The following ECT2 variants were observed in gnomAD, a reference collection of about 807,000 sequenced individuals.
ECT2 encodes the protein epithelial cell transforming 2.
In ECT2, 61 loss-of-function variants were observed where a neutral mutation model predicts 116.9. The observed-to-expected ratio is 0.52, with a 90% CI of 0.42 to 0.65. The LOEUF is 0.65. ECT2 is among the 30% of genes least tolerant of loss of function. The probability of loss-of-function intolerance (pLI) is 0.00; values close to 1 mark genes in which losing one functional copy is unlikely to be tolerated. For missense variants in ECT2, 937 were observed against 1,078.7 expected, an observed-to-expected ratio of 0.87 and a Z score of 1.84; for synonymous variants, 358 against 346.4, an observed-to-expected ratio of 1.03 and a Z score of -0.37.
chr3:172,821,127 A>T lies in ECT2; in HGVS notation c.*890A>T, dbSNP rs1730633070. ...CTAATCTTCTGTGAAATGCATAGAT[A>T]TGCGCATGTTCAACTTTTTATTGTG... is the stretch of plus-strand genomic sequence containing the variant. On this transcript the variant is annotated 3_prime_UTR_variant, in exon 25 of 25. Coordinates refer to ENST00000392692, the MANE Select transcript of ECT2 (RefSeq NM_001258315.2). 1 of 151,946 alleles carries T rather than the reference A, an allele frequency of 6.6e-6. No individual in the cohort carries two copies. The highest frequency in any genetic ancestry group is 2.4e-5 in the African/African-American group (1 of 41,440). The allele number at this position is 151,946 out of a possible 1,614,324, so 9.4% of individuals were successfully genotyped here.
Position 172,802,536 on chromosome 3 carries a change from A to G in ECT2, c.1908-80A>G, listed in dbSNP as rs1726908198. 3.4e-6 allele frequency: 3 copies of G among 873,956 alleles called. No homozygotes were observed. In the African/African-American group the frequency reaches 5.2e-5, roughly 15 times the overall value. 54.1% of individuals were successfully genotyped at this position (873,956 alleles called of 1,614,324 possible). ...TTATCAAAATAAGACATTCACATCA[A>G]ACACAACTTGTGACATGAGTTGTGT... On this transcript the variant is annotated intron_variant, in intron 18 of 24. Transcript: ENST00000392692.
chr3:172,767,968 G>A (rs553370006), intron 12 of ECT2, among the ~76,000 whole-genome samples: 1 of 152,284 alleles, frequency 6.6e-6, no homozygotes, highest in Admixed American at 6.5e-5. Flanking sequence ...CTGACCTCAA[G>A]TGATCTGTCC....
intron 8 of ECT2, 138 bp downstream of exon 8, chr3:172,761,821 G>A: frequency 1.5e-5 from 7 of 463,888 alleles, no homozygotes; most frequent in Non-Finnish European, 2.7e-5. Flanking sequence ...TAAAATCTAG[G>A]GAGAACAAGT....
In ECT2 at chr3:172,762,961, T is replaced by G. The variant is rs755097248; in HGVS notation, c.1057T>G (p.Leu353Val). 8 of 1,613,814 alleles carry G rather than the reference T, an allele frequency of 5.0e-6. No individual in the cohort carries two copies. The highest frequency in any genetic ancestry group is 6.8e-6 in the Non-Finnish European group (8 of 1,179,798). ...TGCCCGAGCTGGAGAAACTATGTAT[T>G]TATATGAAAAGGTATGCTTTTAACC... Reference protein sequence around the residue: ...MDARAGETMYLYEKANTPELK... With the variant: ...MDARAGETMYVYEKANTPELK... Residue 353 changes from leucine to valine, a missense_variant, in exon 11 of 25, where the codon TTA (leucine) becomes GTA (valine). Physicochemically the swap from Leu to Val is conservative, Grantham distance 32 (BLOSUM62 1). Transcript: ENST00000392692.
At chr3:172,770,017 T>C (rs1413165843) in intron 13 of ECT2, among the ~76,000 whole-genome samples, 1 of 152,188 alleles carries the variant, frequency 6.6e-6, no homozygotes, top group Non-Finnish European at 1.5e-5. Flanking sequence ...GTACCATTGA[T>C]AAAATACATG....
In ECT2 at chr3:172,763,092, A is replaced by T. The variant is rs144930370; in HGVS notation, c.1068+120A>T. 3.8e-4 allele frequency: 362 copies of T among 963,398 alleles called. 1 individual carries two copies. The East Asian group carries it at 5.0e-3, about 13-fold the overall frequency. 59.7% of individuals were successfully genotyped at this position (963,398 alleles called of 1,614,324 possible). A position where few individuals can be genotyped will look rare whatever the true frequency, so the allele number is the denominator to read the frequency against. ...TTTCAGAATGATTAAAACAATTGGG[A>T]TATCAAGTTATCTTAGTCTATGTAG... On this transcript the variant is annotated intron_variant, in intron 11 of 24. Transcript: ENST00000392692.
intron 13 of ECT2, 120 bp from the exon 14 acceptor site, chr3:172,773,783 A>G: frequency 1.0e-6 from 1 of 997,340 alleles, no homozygotes; most frequent in Non-Finnish European, 1.5e-6. Context: ...ATTTAGGGAG[A>G]GTATTTTTTA....
intron 22 of ECT2, among the ~76,000 whole-genome samples, chr3:172,812,758 G>A (rs1312289188): frequency 6.6e-6 from 1 of 151,982 alleles, no homozygotes; most frequent in Non-Finnish European, 1.5e-5. Context: ...TTCTGAATTT[G>A]CCTCTATATC....
At chr3:172,790,716 A>G (rs958256305) in intron 18 of ECT2, among the ~76,000 whole-genome samples, 7 of 152,218 alleles carry the variant, frequency 4.6e-5, no homozygotes, top group Non-Finnish European at 8.8e-5. Flanking sequence ...GCAGAATTGG[A>G]TGTTGAGCTA....
At chr3:172,753,680 G>A (rs1716383433) in intron 1 of ECT2, among the ~76,000 whole-genome samples, 1 of 152,126 alleles carries the variant, frequency 6.6e-6, no homozygotes, top group African/African-American at 2.4e-5. Flanking sequence ...GTGGAGAGTC[G>A]AGCACTAAAT....
chr3:172,753,569 A>C (rs112277333), intron 1 of ECT2, among the ~76,000 whole-genome samples: 1,570 of 152,360 alleles, frequency 0.01, 33 homozygotes, highest in African/African-American at 0.035. Context: ...AGAATTATGA[A>C]AATACTGACA....
chr3:172,825,560 A>C (rs916081454), downstream of ECT2, among the ~76,000 whole-genome samples: 15 of 152,214 alleles, frequency 9.9e-5, no homozygotes, highest in African/African-American at 2.4e-4. Flanking sequence ...GATACGAAGA[A>C]AGTTTGAATG....
intron 15 of ECT2, among the ~76,000 whole-genome samples, chr3:172,782,941 T>C (rs1722980722): frequency 1.3e-5 from 2 of 152,160 alleles, no homozygotes; most frequent in African/African-American, 4.8e-5. Context: ...ATCAAGTCTA[T>C]CATTGATGGG....
At chr3:172,757,478 C>T (rs1310312792) in intron 5 of ECT2, among the ~76,000 whole-genome samples, 4 of 145,452 alleles carry the variant, frequency 2.8e-5, no homozygotes, top group African/African-American at 5.1e-5. Context: ...TGCAGTGGCA[C>T]GATCTCAGCT....
rs780383260 is a variant in ECT2 at position 172,777,792 on chromosome 3, G to A, written c.1548+3770G>A. On this transcript the variant is annotated intron_variant, in intron 14 of 24. Transcript: ENST00000392692. ...CGCATGCCTGTAGTTCCAACTCTTC[G>A]GGAGGCTGAGGTGTTAGGATCGCTT... Among the ~76,000 whole-genome samples, 7 of 152,096 alleles carry A rather than the reference G, an allele frequency of 4.6e-5. No homozygotes were observed. In the East Asian group the frequency reaches 7.7e-4, roughly 17 times the overall value.
Position 172,820,348 on chromosome 3 carries a change from T to C in ECT2, c.*111T>C. 1 of 611,218 alleles carries C rather than the reference T, an allele frequency of 1.6e-6. No individual in the cohort carries two copies. Among genetic ancestry groups the C allele is most frequent in the Admixed American group, 3.3e-5 (1 of 30,474 alleles). 37.9% of individuals were successfully genotyped at this position (611,218 alleles called of 1,614,324 possible). A position where few individuals can be genotyped will look rare whatever the true frequency, so the allele number is the denominator to read the frequency against. ...CACTTGGTGAAAGCTGGAAGGAAGA[T>C]AAATAACACTAAACTATGCTATTTG... On this transcript the variant is annotated 3_prime_UTR_variant, in exon 25 of 25. Transcript: ENST00000392692.
the ECT2 span, chr3:172,828,980 T>A: frequency 8.4e-7 from 1 of 1,193,274 alleles, no homozygotes; most frequent in Non-Finnish European, 1.2e-6. Flanking sequence ...TTGGTTGCTG[T>A]GTCAATGTCC....
intron 18 of ECT2, 87 bp downstream of exon 18, chr3:172,786,661 A>G: frequency 1.1e-6 from 1 of 875,476 alleles, no homozygotes; most frequent in South Asian, 1.7e-5. Context: ...GGAAAATATC[A>G]ATAGCAAATT....
At chr3:172,820,043 C>A in intron 24 of ECT2, 105 bp from the exon 25 acceptor site, 1 of 696,052 alleles carries the variant, frequency 1.4e-6, no homozygotes, top group Non-Finnish European at 2.3e-6. Flanking sequence ...TTAATTGTTA[C>A]AGTAATTTGT....
Sources: gnomAD v4.1 joint callset for allele counts (sites outside exome capture counted in the v4.1 genomes callset) on GRCh38, gnomAD v4.1.1 for gene constraint, MANE v1.5 for transcripts, NCBI Gene and HGNC (gene_info 2026-07-23, HGNC 2026-07-21) for gene names.